Variants in KCTD16 observed in about 807,000 individuals in gnomAD.
KCTD16 encodes the protein potassium channel tetramerization domain containing 16.
Under a neutral mutation model 33.2 loss-of-function variants are expected in KCTD16, and 13 were observed. The observed-to-expected ratio is 0.39, with a 90% CI of 0.25 to 0.62. The LOEUF is 0.62. Among genes scored for constraint, KCTD16 ranks in the 20% least tolerant of loss-of-function variants. The probability of loss-of-function intolerance (pLI) is 0.50; values close to 1 mark genes in which losing one functional copy is unlikely to be tolerated. For synonymous variants in KCTD16, 197 were observed against 195.3 expected, an observed-to-expected ratio of 1.01 and a Z score of -0.07; for missense variants, 441 against 525.1, an observed-to-expected ratio of 0.84 and a Z score of 1.57.
chr5:144,262,997 A>G (rs1405988278), intron 3 of KCTD16, among the ~76,000 whole-genome samples: 1 of 152,176 alleles, frequency 6.6e-6, no homozygotes, highest in Non-Finnish European at 1.5e-5. Flanking sequence ...TGACCTGGTG[A>G]CTATATATAA....
intron 3 of KCTD16, among the ~76,000 whole-genome samples, chr5:144,370,434 T>A (rs1471090808): frequency 6.6e-6 from 1 of 152,110 alleles, no homozygotes; most frequent in Non-Finnish European, 1.5e-5. Context: ...ACTGAGAGAT[T>A]CCTTTATTTA....
chr5:144,342,058 G>GACTAAA (rs1752662081), intron 3 of KCTD16, among the ~76,000 whole-genome samples: 1 of 152,164 alleles, frequency 6.6e-6, no homozygotes, highest in East Asian at 1.9e-4. Context: ...AGCAATGCGG[G>GACTAAA]CTCTTTTTTG....
chr5:144,364,264 C>T (rs917375851), intron 3 of KCTD16, among the ~76,000 whole-genome samples: 7 of 152,132 alleles, frequency 4.6e-5, no homozygotes, highest in Admixed American at 6.6e-5. Context: ...ATTCTTGAAT[C>T]TAAGCCACAA....
intron 3 of KCTD16, among the ~76,000 whole-genome samples, chr5:144,376,125 C>G (rs2126927412): frequency 6.6e-6 from 1 of 152,198 alleles, no homozygotes; most frequent in South Asian, 2.1e-4. Flanking sequence ...CTTCCTCATT[C>G]AGAGTCATGT....
intron 3 of KCTD16, among the ~76,000 whole-genome samples, chr5:144,451,594 C>T (rs1753944567): frequency 6.6e-6 from 1 of 152,058 alleles, no homozygotes. Context: ...TGAAATAGAA[C>T]GCAGGCAGTT....
intron 3 of KCTD16, among the ~76,000 whole-genome samples, chr5:144,416,940 A>G (rs192635903): frequency 3.1e-4 from 47 of 152,288 alleles, no homozygotes; most frequent in African/African-American, 1.1e-3. Flanking sequence ...ACCATCTAGC[A>G]TGTATCAATA....
In KCTD16 at chr5:144,436,838, G is replaced by T. The variant is rs558912700; in HGVS notation, c.833-36822G>T. On this transcript the variant is annotated intron_variant, in intron 3 of 3. Transcript: ENST00000512467. The stretch of plus-strand genomic sequence containing the variant: ...CCTGACCTCGTGATCCTCCCACCTC[G>T]GCCTCCCAAAGTGCCAGGATTATAG... Among the ~76,000 whole-genome samples, 13 of 152,026 alleles carry T rather than the reference G, an allele frequency of 8.6e-5. No homozygotes were observed. The South Asian group carries it at 1.5e-3, about 17-fold the overall frequency.
rs190255496 is a variant in KCTD16 at position 144,286,175 on chromosome 5, T to C, written c.832+78629T>C. ...TTCTTTATGTCCCCTGCTACTTTAT[T>C]TGAGATAATAGCAAATCTCATAGAC... On this transcript the variant is annotated intron_variant, in intron 3 of 3. Coordinates refer to ENST00000512467, the MANE Select transcript of KCTD16 (RefSeq NM_020768.4). Among the ~76,000 whole-genome samples, 17 of 152,284 alleles carry C rather than the reference T, an allele frequency of 1.1e-4. 1 individual carries two copies. The highest frequency in any genetic ancestry group is 1.1e-3 in the Admixed American group (17 of 15,304).
chr5:144,383,620 C>T (rs1039303786), intron 3 of KCTD16, among the ~76,000 whole-genome samples: 3 of 149,954 alleles, frequency 2.0e-5, no homozygotes, highest in Admixed American at 6.6e-5. Context: ...CCTAAAACTG[C>T]AATATTTTTT....
chr5:144,178,358 A>G (rs910518097), intron 2 of KCTD16, among the ~76,000 whole-genome samples: 3 of 152,164 alleles, frequency 2.0e-5, no homozygotes, highest in Non-Finnish European at 2.9e-5. Flanking sequence ...AATGCTTTTA[A>G]TGTACTTAGA....
chr5:144,416,818 T>C (rs1034186723), intron 3 of KCTD16, among the ~76,000 whole-genome samples: 4 of 152,160 alleles, frequency 2.6e-5, no homozygotes, highest in African/African-American at 9.7e-5. Context: ...CCAATCTGTT[T>C]TTGTGTCTTT....
chr5:144,453,624 A>C (rs912539823), intron 3 of KCTD16, among the ~76,000 whole-genome samples: 2 of 152,182 alleles, frequency 1.3e-5, no homozygotes, highest in Admixed American at 6.5e-5. Context: ...ATTTTACACG[A>C]TAAAAAATAA....
At chr5:144,372,550 G>A (rs1580910734) in intron 3 of KCTD16, among the ~76,000 whole-genome samples, 1 of 152,228 alleles carries the variant, frequency 6.6e-6, no homozygotes, top group Non-Finnish European at 1.5e-5. Flanking sequence ...ATGTTACAAG[G>A]TTCCATGAGA....
intron 3 of KCTD16, among the ~76,000 whole-genome samples, chr5:144,343,362 G>T (rs1174984440): frequency 1.3e-5 from 2 of 152,096 alleles, no homozygotes; most frequent in East Asian, 3.8e-4. Flanking sequence ...TAGTTTATTT[G>T]CATAGAGGTG....
At position 144,480,563 on chromosome 5, in the gene KCTD16, C is replaced by A. The variant is rs1260815555; in HGVS notation, c.*6449C>A. 1 of 151,880 alleles carries A rather than the reference C, an allele frequency of 6.6e-6. No individual in the cohort carries two copies. The highest frequency in any genetic ancestry group is 6.6e-5 in the Admixed American group (1 of 15,208). 9.4% of individuals were successfully genotyped at this position (151,880 alleles called of 1,614,324 possible). ...CCTTTAGGTGAGAGACAGAGAGAAA[C>A]AATTTCAGGAAACTCTCCTTGATTC... On this transcript the variant is annotated 3_prime_UTR_variant, in exon 4 of 4. Coordinates refer to ENST00000512467, the MANE Select transcript of KCTD16 (RefSeq NM_020768.4).
chr5:144,194,738 T>A (rs1351623616), intron 2 of KCTD16, among the ~76,000 whole-genome samples: 1 of 152,180 alleles, frequency 6.6e-6, no homozygotes, highest in East Asian at 1.9e-4. Flanking sequence ...TGTATGTAAC[T>A]TTTTCAGCTG....
chr5:144,276,525 C>T (rs1006780774), intron 3 of KCTD16, among the ~76,000 whole-genome samples: 2 of 152,194 alleles, frequency 1.3e-5, no homozygotes, highest in Admixed American at 6.5e-5. Context: ...TTCTCCTAGT[C>T]TTCTAGTTCT....
chr5:144,441,754 T>G (rs1753713632), intron 3 of KCTD16, among the ~76,000 whole-genome samples: 1 of 151,172 alleles, frequency 6.6e-6, no homozygotes, highest in South Asian at 2.1e-4. Flanking sequence ...AATCAGGATA[T>G]ATGAGTTCTC....
intron 3 of KCTD16, among the ~76,000 whole-genome samples, chr5:144,425,964 G>C (rs555355169): frequency 1.3e-5 from 2 of 152,076 alleles, no homozygotes; most frequent in Non-Finnish European, 2.9e-5. Context: ...TTCTTAGTTT[G>C]CTCTCCTAAA....
Sources: allele counts gnomAD v4.1 joint callset (sites outside exome capture counted in the v4.1 genomes callset), GRCh38; gene constraint gnomAD v4.1.1; transcripts MANE v1.5; gene names NCBI Gene and HGNC (gene_info 2026-07-23, HGNC 2026-07-21).